The following MECOM variants were observed in gnomAD, a reference collection of about 807,000 sequenced individuals.
MECOM encodes histone-lysine N-methyltransferase MECOM.
In MECOM, 13 loss-of-function variants were observed where a neutral mutation model predicts 116.3. The ratio of observed to expected loss-of-function variants is 0.11; its 90% CI spans 0.07 to 0.18. The LOEUF (loss-of-function observed/expected upper bound fraction) is 0.18. Among genes scored for constraint, MECOM ranks in the 10% least tolerant of loss-of-function variants. The probability of loss-of-function intolerance (pLI) is 1.00; values close to 1 mark genes in which losing one functional copy is unlikely to be tolerated. For missense variants in MECOM, 1,299 were observed against 1,509.0 expected (o/e 0.86, Z 2.31); for synonymous variants, 528 against 535.2 (o/e 0.99, Z 0.19).
In MECOM at chr3:169,114,564, A is replaced by G. The variant is rs569515590; in HGVS notation, c.2489+819T>C. Among the ~76,000 whole-genome samples the G allele has an allele frequency of 2.2e-4, 34 of 152,336 alleles. No individual in the cohort carries two copies. In the East Asian group the frequency reaches 6.6e-3, roughly 29 times the overall value. Reference sequence around the variant, plus strand: ...AAATAAGTTCAATAAAAAATTATCCAGATGTTCCATGAACTCTTGACAATG... The same window carrying G: ...AAATAAGTTCAATAAAAAATTATCCGGATGTTCCATGAACTCTTGACAATG... On this transcript the variant is annotated intron_variant, in intron 8 of 16. Transcript: ENST00000651503.
chr3:169,347,255 G>C (rs146965586), intron 2 of MECOM, among the ~76,000 whole-genome samples: 1 of 152,142 alleles, frequency 6.6e-6, no homozygotes, highest in Non-Finnish European at 1.5e-5. Context: ...TTAGTGGATG[G>C]AGACAGGTAT....
intron 10 of MECOM, among the ~76,000 whole-genome samples, chr3:169,106,954 A>G (rs1018779959): frequency 6.6e-6 from 1 of 152,184 alleles, no homozygotes; most frequent in Non-Finnish European, 1.5e-5. Context: ...TTAAACCTTA[A>G]AAGTCTATCA....
At chr3:169,373,280 G>C (rs1310046876) in intron 2 of MECOM, among the ~76,000 whole-genome samples, 1 of 151,666 alleles carries the variant, frequency 6.6e-6, no homozygotes, top group Admixed American at 6.6e-5. Flanking sequence ...TGATGTTTCT[G>C]GTATCTATAG....
intron 1 of MECOM, chr3:169,614,903 A>G: frequency 6.6e-6 from 1 of 152,212 alleles, no homozygotes; most frequent in East Asian, 1.9e-4. Flanking sequence ...GCACATAGAA[A>G]GACTCAAGCT....
chr3:169,484,193 T>C (rs1051204450), intron 1 of MECOM: 9 of 602,562 alleles, frequency 1.5e-5, no homozygotes, highest in Non-Finnish European at 2.3e-5. Context: ...CTTGCACTTA[T>C]TGATGAGCTT....
chr3:169,354,703 A>G (rs903957336), intron 2 of MECOM, among the ~76,000 whole-genome samples: 3 of 152,032 alleles, frequency 2.0e-5, no homozygotes, highest in African/African-American at 7.2e-5. Context: ...TGTTGCTAGA[A>G]CCTCAGGATG....
intron 13 of MECOM, 136 bp from the exon 14 acceptor site, chr3:169,093,238 G>A: frequency 1.1e-6 from 1 of 895,300 alleles, no homozygotes; most frequent in Non-Finnish European, 1.6e-6. Context: ...AATAACTTTA[G>A]AAAGTCAAAG....
intron 1 of MECOM, among the ~76,000 whole-genome samples, chr3:169,396,599 T>C (rs1177923983): frequency 6.6e-6 from 1 of 152,176 alleles, no homozygotes; most frequent in Admixed American, 6.5e-5. Context: ...TACTAGAAAA[T>C]TTAAAATTAC....
intron 1 of MECOM, chr3:169,472,894 C>T (rs1485059762): frequency 2.4e-6 from 2 of 827,254 alleles, no homozygotes; most frequent in Non-Finnish European, 2.9e-6. Context: ...TGTGGTAAGA[C>T]AAATATGTCA....
intron 2 of MECOM, among the ~76,000 whole-genome samples, chr3:169,212,992 A>C (rs1390755462): frequency 6.6e-6 from 1 of 151,702 alleles, no homozygotes; most frequent in Non-Finnish European, 1.5e-5. Context: ...TATTATCCTC[A>C]GGCATTTACT....
At chr3:169,474,898 G>A (rs1445234658) in intron 1 of MECOM, among the ~76,000 whole-genome samples, 1 of 152,026 alleles carries the variant, frequency 6.6e-6, no homozygotes, top group African/African-American at 2.4e-5. Flanking sequence ...AAAATCTGTA[G>A]GTAGATACTA....
At chr3:169,345,282 G>A (rs1178026024) in intron 2 of MECOM, among the ~76,000 whole-genome samples, 2 of 151,912 alleles carry the variant, frequency 1.3e-5, no homozygotes, top group East Asian at 1.9e-4. Flanking sequence ...AGCTTCTGGC[G>A]TATTTGTAAA....
intron 2 of MECOM, chr3:169,146,501 A>T: frequency 7.2e-7 from 1 of 1,380,596 alleles, no homozygotes; most frequent in Non-Finnish European, 9.6e-7. Context: ...CCCACCCCGG[A>T]GACGTGTCCA....
At chr3:169,198,757 A>G (rs939520356) in intron 2 of MECOM, among the ~76,000 whole-genome samples, 1 of 152,048 alleles carries the variant, frequency 6.6e-6, no homozygotes, top group Admixed American at 6.6e-5. Context: ...AATACCACAC[A>G]TAACAGGCCG....
At chr3:169,411,415 T>G (rs1375579500) in intron 1 of MECOM, among the ~76,000 whole-genome samples, 1 of 152,208 alleles carries the variant, frequency 6.6e-6, no homozygotes, top group Admixed American at 6.5e-5. Context: ...GAAAAATCCT[T>G]CTGTAAAGAA....
chr3:169,127,655 A>G (rs1193250982), intron 5 of MECOM, among the ~76,000 whole-genome samples, 189 bp downstream of exon 5: 1 of 152,222 alleles, frequency 6.6e-6, no homozygotes. Flanking sequence ...CAAAATAACT[A>G]ATTCCAATTT....
At chr3:169,661,810 G>A (rs1200015706) in intron 1 of MECOM, among the ~76,000 whole-genome samples, 1 of 152,148 alleles carries the variant, frequency 6.6e-6, no homozygotes, top group Non-Finnish European at 1.5e-5. Context: ...GGGAGACTGG[G>A]ATTTCACTGG....
At chr3:169,367,583 T>C (rs1404213700) in intron 2 of MECOM, among the ~76,000 whole-genome samples, 2 of 152,042 alleles carry the variant, frequency 1.3e-5, no homozygotes, top group African/African-American at 4.8e-5. Flanking sequence ...GCAGTGTGGG[T>C]TCTAGAAACA....
chr3:169,588,020 T>C lies in MECOM; in HGVS notation c.37+75316A>G, dbSNP rs534591332. The stretch of plus-strand genomic sequence containing the variant: ...TTAATTACCATAATAATTAAAATTG[T>C]TTACCATATTGTCATCAGAAACCAG... On this transcript the variant is annotated intron_variant, in intron 1 of 16. Transcript: ENST00000651503. Among the ~76,000 whole-genome samples, 6 of 152,276 alleles carry C rather than the reference T, an allele frequency of 3.9e-5. No homozygotes were observed. In the East Asian group the frequency reaches 1.2e-3, roughly 29 times the overall value.
Sources: gnomAD v4.1 joint callset for allele counts (sites outside exome capture counted in the v4.1 genomes callset) on GRCh38, gnomAD v4.1.1 for gene constraint, MANE v1.5 for transcripts, NCBI Gene and HGNC (gene_info 2026-07-23, HGNC 2026-07-21) for gene names.